ADH7: variants seen among roughly 807,000 people sequenced by gnomAD.
ADH7 encodes all-trans-retinol dehydrogenase [NAD(+)] ADH7.
Under a neutral mutation model 34.4 loss-of-function variants are expected in ADH7, and 41 were observed. The ratio of observed to expected loss-of-function variants is 1.19; its 90% confidence interval spans 0.93 to 1.55. The LOEUF (loss-of-function observed/expected upper bound fraction) is 1.55, where lower values mean the gene tolerates loss of function less well. Ranked by LOEUF, ADH7 falls within the 40% of genes most tolerant of loss-of-function variation. The pLI, the probability that ADH7 is intolerant of heterozygous loss-of-function variation, is 0.00. For missense variants in ADH7, 540 were observed against 461.2 expected, an observed-to-expected ratio of 1.17 and a Z score of -1.56; for synonymous variants, 180 against 160.9, an observed-to-expected ratio of 1.12 and a Z score of -0.90.
chr4:99,420,668 C>G lies in ADH7; in HGVS notation c.690G>C (p.Glu230Asp), dbSNP rs1254749512. The change falls in exon 6 of 9, where the codon GAG becomes GAC. Residue 230 changes from glutamate (E) to aspartate (D), a missense_variant. Transcript: ENST00000437033. ...IGIDLNKDKF[E>D]KAMAVGATEC... ...CAGTGGCACCTACAGCCATGGCCTT[C>G]TCAAATTTGTCTTTGTTGAGGTCAA... 6.2e-7 allele frequency: 1 copy of G among 1,613,790 alleles called. No homozygotes were observed. The highest frequency in any genetic ancestry group is 1.3e-5 in the African/African-American group (1 of 74,872).
intron 5 of ADH7, among the ~76,000 whole-genome samples, chr4:99,427,141 C>T (rs1721826607): frequency 6.6e-6 from 1 of 152,056 alleles, no homozygotes; most frequent in South Asian, 2.1e-4. Flanking sequence ...ACTTAAAATT[C>T]CAGGGATCCT....
At chr4:99,417,965 G>T (rs951468460) in intron 7 of ADH7, among the ~76,000 whole-genome samples, 1 of 152,114 alleles carries the variant, frequency 6.6e-6, no homozygotes, top group African/African-American at 2.4e-5. Context: ...TAATGTTGCA[G>T]AAAGAGGAAA....
At position 99,428,155 on chromosome 4, in the gene ADH7, G is replaced by A. The variant is rs200238844; in HGVS notation, c.279C>T (p.Leu93=). The A allele has an allele frequency of 6.2e-7, 1 of 1,613,922 alleles. No homozygotes were observed. The change falls in exon 4 of 9, where the codon CTC becomes CTT. Residue 93 remains leucine, a synonymous_variant. Transcript: ENST00000437033. ...TVKPGDKVIP[L]FLPQCRECNA... ...TGCATTCTCTACATTGTGGCAGAAAGAGAGGGATGACTTTGTCACCTACAG... is the reference window on the plus strand; with the variant it reads ...TGCATTCTCTACATTGTGGCAGAAAAAGAGGGATGACTTTGTCACCTACAG...
intron 5 of ADH7, among the ~76,000 whole-genome samples, chr4:99,421,179 GC>G (rs1198406411): frequency 1.3e-5 from 2 of 152,072 alleles, no homozygotes; most frequent in Non-Finnish European, 2.9e-5. Context: ...CCAAAAAAGA[GC>G]CCATATAGCC....
chr4:99,424,150 T>G (rs1048078029), intron 5 of ADH7, among the ~76,000 whole-genome samples: 53 of 152,154 alleles, frequency 3.5e-4, no homozygotes, highest in African/African-American at 1.2e-3. Flanking sequence ...CTTCCCCATT[T>G]CTTGTTTTTC....
Position 99,428,520 on chromosome 4 carries a change from A to T in ADH7, c.231T>A (p.Ile77=). 1 of 1,613,646 alleles carries T rather than the reference A, an allele frequency of 6.2e-7. No individual in the cohort carries two copies. Among genetic ancestry groups the T allele is most frequent in the Non-Finnish European group, 8.5e-7 (1 of 1,179,838 alleles). The change falls in exon 3 of 9, where the codon ATT becomes ATA. Residue 77 remains isoleucine (I), a synonymous_variant. Coordinates refer to ENST00000437033, the MANE Select transcript of ADH7 (RefSeq NM_000673.7). Reference sequence around the variant, plus strand: ...GTTTCACTGTAGTCACTCCTTCTCCAATGCTCTCTACAATCCCAGTTGCCT... The same window carrying T: ...GTTTCACTGTAGTCACTCCTTCTCCTATGCTCTCTACAATCCCAGTTGCCT... ...GHEATGIVES[I]GEGVTTVKPG...
chr4:99,427,314 A>G (rs867587829), intron 5 of ADH7, among the ~76,000 whole-genome samples: 2 of 152,180 alleles, frequency 1.3e-5, no homozygotes, highest in Non-Finnish European at 2.9e-5. Flanking sequence ...TCTTTATATT[A>G]TCTATAACAG....
intron 7 of ADH7, 73 bp from the exon 8 acceptor site, chr4:99,415,689 C>G: frequency 6.9e-7 from 1 of 1,441,424 alleles, no homozygotes. Flanking sequence ...TATATTTATT[C>G]CTTCTCTTTC....
intron 1 of ADH7, chr4:99,430,226 C>T (rs1721910048): frequency 1.3e-5 from 2 of 152,314 alleles, no homozygotes; most frequent in African/African-American, 4.8e-5. Context: ...GTCTGCATCT[C>T]TGCATCCCAT....
chr4:99,432,402 C>T (rs1402577767), intron 1 of ADH7, among the ~76,000 whole-genome samples: 1 of 151,962 alleles, frequency 6.6e-6, no homozygotes, highest in Non-Finnish European at 1.5e-5. Context: ...AATTTGTACA[C>T]CAAACCCCAT....
At chr4:99,424,363 C>T (rs1463951809) in intron 5 of ADH7, among the ~76,000 whole-genome samples, 1 of 152,198 alleles carries the variant, frequency 6.6e-6, no homozygotes, top group Non-Finnish European at 1.5e-5. Context: ...GCGATGCATG[C>T]TCTTTTTTGG....
chr4:99,423,752 G>A (rs1390138711), intron 5 of ADH7, among the ~76,000 whole-genome samples: 1 of 151,828 alleles, frequency 6.6e-6, no homozygotes, highest in Non-Finnish European at 1.5e-5. Context: ...AAATTTGTTT[G>A]AGTTCATTGT....
intron 7 of ADH7, chr4:99,416,013 C>T (rs1221504517): frequency 6.2e-6 from 1 of 160,486 alleles, no homozygotes; most frequent in African/African-American, 2.4e-5. Context: ...AAGACAAATA[C>T]CTAATGCATG....
intron 5 of ADH7, among the ~76,000 whole-genome samples, chr4:99,422,355 G>A (rs1197822924): frequency 6.6e-6 from 1 of 152,206 alleles, no homozygotes; most frequent in Non-Finnish European, 1.5e-5. Flanking sequence ...CCTTTGCAGG[G>A]ACGTGGAAGA....
chr4:99,419,201 A>C, intron 6 of ADH7, 80 bp from the exon 7 acceptor site: 1 of 1,437,632 alleles, frequency 7.0e-7, no homozygotes, highest in Non-Finnish European at 9.3e-7. Flanking sequence ...CCTATGTACT[A>C]TGACAAAGTC....
In ADH7 at chr4:99,420,528, C is replaced by A; in HGVS notation, c.825+5G>T. 1.2e-6 allele frequency: 2 copies of A among 1,609,990 alleles called. No individual in the cohort carries two copies. The highest frequency in any genetic ancestry group is 1.1e-5 in the South Asian group (1 of 90,918). On this transcript the variant is annotated splice_donor_5th_base_variant and intron_variant, in intron 6 of 8. Coordinates refer to ENST00000437033, the MANE Select transcript of ADH7 (RefSeq NM_000673.7). ...TTTTGTGGCTTCTCAAATTTTGGGT[C>A]TTACCATGGTTTCAAGATGCCCAAT...
At chr4:99,426,277 G>T (rs1037810255) in intron 5 of ADH7, among the ~76,000 whole-genome samples, 10 of 152,012 alleles carry the variant, frequency 6.6e-5, no homozygotes, top group Non-Finnish European at 1.2e-4. Context: ...TGGAGCTGGT[G>T]TTTTGAAAGG....
At chr4:99,424,194 T>C (rs894834245) in intron 5 of ADH7, among the ~76,000 whole-genome samples, 4 of 152,214 alleles carry the variant, frequency 2.6e-5, no homozygotes, top group Non-Finnish European at 5.9e-5. Context: ...GTTGTAGATA[T>C]GTGGCGTTAT....
chr4:99,424,775 G>T (rs1249879037), intron 5 of ADH7, among the ~76,000 whole-genome samples: 16 of 152,056 alleles, frequency 1.1e-4, no homozygotes, highest in African/African-American at 3.9e-4. Flanking sequence ...GAGATTTTGG[G>T]CTGAGACAAT....
Sources: gnomAD v4.1 joint callset for allele counts (sites outside exome capture counted in the v4.1 genomes callset) on GRCh38, gnomAD v4.1.1 for gene constraint, MANE v1.5 for transcripts, NCBI Gene and HGNC (gene_info 2026-07-23, HGNC 2026-07-21) for gene names.